The following ROBO2 variants were observed in gnomAD, a reference collection of about 807,000 sequenced individuals.
ROBO2 encodes roundabout guidance receptor 2.
ROBO2 carries 53 observed loss-of-function variants against 160.8 expected under a neutral mutation model. The ratio of observed to expected loss-of-function variants is 0.33; its 90% CI spans 0.26 to 0.41. The LOEUF (loss-of-function observed/expected upper bound fraction) is 0.41, where lower values mean the gene tolerates loss of function less well. ROBO2 is among the 10% of genes least tolerant of loss of function. ROBO2 has a pLI of 1.00. For synonymous variants in ROBO2, 664 were observed against 611.7 expected, an observed-to-expected ratio of 1.09 and a Z score of -1.26; for missense variants, 1,577 against 1,722.4, an observed-to-expected ratio of 0.92 and a Z score of 1.49.
At chr3:77,318,562 A>C (rs2064316982) in intron 2 of ROBO2, among the ~76,000 whole-genome samples, 1 of 152,212 alleles carries the variant, frequency 6.6e-6, no homozygotes, top group African/African-American at 2.4e-5. Context: ...AGACTATATA[A>C]ATTAAAATCA....
At chr3:76,425,659 C>T (rs2076193141) in intron 2 of ROBO2, among the ~76,000 whole-genome samples, 1 of 152,012 alleles carries the variant, frequency 6.6e-6, no homozygotes, top group Non-Finnish European at 1.5e-5. Context: ...CTTAAAGTAT[C>T]TGTTTACGTT....
chr3:76,135,117 G>A (rs1357955007), intron 2 of ROBO2, among the ~76,000 whole-genome samples: 5 of 152,030 alleles, frequency 3.3e-5, no homozygotes, highest in African/African-American at 7.2e-5. Context: ...AGAGCAAGAA[G>A]GAGTGTGTGG....
chr3:77,346,399 C>T (rs988677615), intron 2 of ROBO2, among the ~76,000 whole-genome samples: 2 of 152,246 alleles, frequency 1.3e-5, no homozygotes, highest in African/African-American at 4.8e-5. Flanking sequence ...AGTTTTATTA[C>T]TCCTCATTCT....
intron 2 of ROBO2, among the ~76,000 whole-genome samples, chr3:76,107,135 A>T (rs1390766394): frequency 6.6e-6 from 1 of 152,156 alleles, no homozygotes; most frequent in African/African-American, 2.4e-5. Context: ...AAATGAGAAG[A>T]TGTTATCTCC....
intron 2 of ROBO2, among the ~76,000 whole-genome samples, chr3:77,180,788 T>C (rs906406081): frequency 5.3e-5 from 8 of 152,042 alleles, no homozygotes; most frequent in African/African-American, 1.7e-4. Flanking sequence ...AAAACATATG[T>C]ATATATAAAT....
At chr3:77,222,164 A>G (rs1009096096) in intron 2 of ROBO2, among the ~76,000 whole-genome samples, 48 of 152,240 alleles carry the variant, frequency 3.2e-4, no homozygotes, top group African/African-American at 1.1e-3. Flanking sequence ...TGGACTCTCA[A>G]TACACTATCT....
At chr3:76,470,399 A>T (rs573220345) in intron 2 of ROBO2, among the ~76,000 whole-genome samples, 1 of 152,210 alleles carries the variant, frequency 6.6e-6, no homozygotes, top group African/African-American at 2.4e-5. Flanking sequence ...TTGCAGTTAG[A>T]TGTTGACCAG....
At chr3:77,410,744 T>TCCTCCTCCTCCTCCTCCTCCTCCTCC (rs1560759245) in intron 2 of ROBO2, among the ~76,000 whole-genome samples, 1 of 28,936 alleles carries the variant, frequency 3.5e-5, no homozygotes, top group Non-Finnish European at 7.1e-5. Context: ...CCTCCTCCTT[T>TCCTCCTCCTCCTCCTCCTCCTCCTCC]TCCTCCTCCT....
At chr3:77,269,923 A>T (rs2153352614) in intron 2 of ROBO2, among the ~76,000 whole-genome samples, 1 of 152,290 alleles carries the variant, frequency 6.6e-6, no homozygotes, top group South Asian at 2.1e-4. Flanking sequence ...AGCAAACTAT[A>T]TTGATTTTAA....
At chr3:76,048,879 A>T (rs1008268130) in intron 2 of ROBO2, among the ~76,000 whole-genome samples, 5 of 152,198 alleles carry the variant, frequency 3.3e-5, no homozygotes, top group Non-Finnish European at 7.3e-5. Flanking sequence ...GTAAATGTTA[A>T]CAAGATTAAT....
intron 2 of ROBO2, among the ~76,000 whole-genome samples, chr3:76,811,818 CTTCCTTCCTTCCTTCCTTCT>C (rs1277018269): frequency 2.5e-4 from 17 of 69,262 alleles, no homozygotes; most frequent in African/African-American, 4.4e-4. Flanking sequence ...TCCTTCCTTC[CTTCCTTCCTTCCTTCCTTCT>C]TTCCTTCCTT....
At position 77,110,175 on chromosome 3, in the gene ROBO2, G is replaced by A. The variant is rs189079394; in HGVS notation, c.388+11835G>A. The stretch of plus-strand genomic sequence containing the variant: ...TTCAGTTCTCATTGACATGTTTGCA[G>A]GCCAAAGCAGCTTGGAGATTAAGAA... On this transcript the variant is annotated intron_variant, in intron 2 of 25. Transcript: ENST00000461745. 3.9e-3 allele frequency among the ~76,000 whole-genome samples: 591 copies of A among 152,206 alleles called. 7 individuals carry two copies. The highest frequency in any genetic ancestry group is 0.014 in the Middle Eastern group (4 of 294).
At chr3:76,160,144 C>T (rs890980423) in intron 2 of ROBO2, among the ~76,000 whole-genome samples, 9 of 151,936 alleles carry the variant, frequency 5.9e-5, no homozygotes, top group South Asian at 2.1e-4. Flanking sequence ...GCTTGAGCAT[C>T]GCAAAAAAAC....
At chr3:77,597,331 G>C (rs995103653) in intron 19 of ROBO2, among the ~76,000 whole-genome samples, 3 of 142,946 alleles carry the variant, frequency 2.1e-5, no homozygotes, top group African/African-American at 7.5e-5. Context: ...AAATAAAAAA[G>C]ACAAAAAAGT....
intron 2 of ROBO2, among the ~76,000 whole-genome samples, chr3:76,607,305 AG>A (rs1388548780): frequency 6.6e-6 from 1 of 152,228 alleles, no homozygotes; most frequent in African/African-American, 2.4e-5. Flanking sequence ...CTGGGGCTAC[AG>A]GCAAACACCA....
chr3:76,471,083 G>A (rs772682015), intron 2 of ROBO2, among the ~76,000 whole-genome samples: 1 of 152,092 alleles, frequency 6.6e-6, no homozygotes, highest in Non-Finnish European at 1.5e-5. Context: ...TTTATGGGAA[G>A]TCTCTCTAAC....
At chr3:76,526,665 G>T (rs999886687) in intron 2 of ROBO2, among the ~76,000 whole-genome samples, 1 of 151,880 alleles carries the variant, frequency 6.6e-6, no homozygotes, top group Non-Finnish European at 1.5e-5. Flanking sequence ...CCAATGCAGG[G>T]TGGTAAAGAT....
intron 2 of ROBO2, among the ~76,000 whole-genome samples, chr3:76,609,572 T>C (rs1205360929): frequency 6.6e-6 from 1 of 152,206 alleles, no homozygotes; most frequent in Non-Finnish European, 1.5e-5. Flanking sequence ...TCATTTTGTA[T>C]CCTGCAACTT....
intron 2 of ROBO2, among the ~76,000 whole-genome samples, chr3:76,987,567 T>A (rs1294575649): frequency 6.6e-6 from 1 of 152,326 alleles, no homozygotes; most frequent in East Asian, 1.9e-4. Context: ...CAAAGGACTT[T>A]ATGCCATCAA....
Sources: allele counts gnomAD v4.1 joint callset (sites outside exome capture counted in the v4.1 genomes callset), GRCh38; gene constraint gnomAD v4.1.1; transcripts MANE v1.5; gene names NCBI Gene and HGNC (gene_info 2026-07-23, HGNC 2026-07-21).